OR56A3: variants seen among roughly 807,000 people sequenced by gnomAD.
OR56A3 encodes the protein olfactory receptor 56A3.
In OR56A3, 23 loss-of-function variants were observed where a neutral mutation model predicts 17.5. The observed-to-expected ratio is 1.32, with a 90% confidence interval of 0.95 to 1.87. The LOEUF is 1.87. Among genes scored for constraint, OR56A3 ranks in the 40% most tolerant of loss-of-function variants. The pLI, the probability that OR56A3 is intolerant of heterozygous loss-of-function variation, is 0.00. For missense variants in OR56A3, 366 were observed against 380.1 expected, an observed-to-expected ratio of 0.96 and a Z score of 0.31; for synonymous variants, 175 against 150.6, an observed-to-expected ratio of 1.16 and a Z score of -1.19.
chr11:5,965,013 G>A, the OR56A3 span, among the ~76,000 whole-genome samples: 5 of 152,056 alleles, frequency 3.3e-5, no homozygotes, highest in Non-Finnish European at 5.9e-5. Flanking sequence ...CTTAGCTCTT[G>A]TAAAGGTATT....
At chr11:5,961,553 A>G in the OR56A3 span, among the ~76,000 whole-genome samples, 7 of 152,032 alleles carry the variant, frequency 4.6e-5, no homozygotes, top group South Asian at 6.2e-4. Flanking sequence ...AAGGCAGCAT[A>G]CTCGTTAAGA....
At chr11:5,983,662 A>G in the OR56A3 span, among the ~76,000 whole-genome samples, 4 of 152,144 alleles carry the variant, frequency 2.6e-5, no homozygotes, top group Non-Finnish European at 2.9e-5. Flanking sequence ...CAAGGGGGAC[A>G]TATGGGAGTG....
the OR56A3 span, among the ~76,000 whole-genome samples, chr11:5,956,551 CT>C: frequency 6.6e-6 from 1 of 152,282 alleles, no homozygotes; most frequent in Admixed American, 6.5e-5. Context: ...TCTGCTAAGC[CT>C]TTAAATAGGT....
the OR56A3 span, among the ~76,000 whole-genome samples, chr11:5,965,146 C>T: frequency 6.6e-6 from 1 of 152,136 alleles, no homozygotes; most frequent in East Asian, 1.9e-4. Flanking sequence ...CTCCACTTTC[C>T]TCCCAAATAA....
intron 1 of OR56A3, 48 bp from the exon 2 acceptor site, chr11:5,944,758 T>C (rs1042083286): frequency 6.6e-6 from 1 of 152,216 alleles, no homozygotes; most frequent in Non-Finnish European, 1.5e-5. Context: ...TGTTTAAAAT[T>C]CATTTTGAAC....
At position 5,947,005 on chromosome 11, in the gene OR56A3, T is replaced by A. The variant is rs1186114068; in HGVS notation, c.-36-306T>A. Among the ~76,000 whole-genome samples, 3 of 152,134 alleles carry A rather than the reference T, an allele frequency of 2.0e-5. No individual in the cohort carries two copies. In the East Asian group the frequency reaches 5.8e-4, roughly 29 times the overall value. On this transcript the variant is annotated intron_variant, in intron 2 of 2. Transcript: ENST00000641160. Reference sequence around the variant, plus strand: ...GAAACCTATGGGTAGAAATTTAGAGTCTCACCTGTCACACTAAAGTTGTTT... The same window carrying A: ...GAAACCTATGGGTAGAAATTTAGAGACTCACCTGTCACACTAAAGTTGTTT...
At chr11:5,972,565 C>T in the OR56A3 span, among the ~76,000 whole-genome samples, 3,368 of 152,256 alleles carry the variant, frequency 0.022, 118 homozygotes, top group African/African-American at 0.073. Context: ...GTTTTATGAT[C>T]TACGGTCAGT....
chr11:5,986,829 C>A, the OR56A3 span: 3 of 1,613,940 alleles, frequency 1.9e-6, no homozygotes, highest in Non-Finnish European at 2.5e-6. Context: ...AACCTGGAAT[C>A]CCTACCAGGA....
chr11:5,973,568 C>T, the OR56A3 span, among the ~76,000 whole-genome samples: 1 of 152,096 alleles, frequency 6.6e-6, no homozygotes, highest in Admixed American at 6.5e-5. Flanking sequence ...TTGAATGTCT[C>T]TTGGGGGTTT....
the OR56A3 span, chr11:6,001,850 G>A: frequency 1.9e-6 from 1 of 520,678 alleles, no homozygotes; most frequent in Non-Finnish European, 3.2e-6. Context: ...ATCCAGAAAA[G>A]GGAGGTTTCC....
At chr11:6,009,246 C>T in the OR56A3 span, among the ~76,000 whole-genome samples, 1 of 152,134 alleles carries the variant, frequency 6.6e-6, no homozygotes, top group Non-Finnish European at 1.5e-5. Context: ...AGGAAATTGC[C>T]AAATTTTTGC....
At chr11:5,971,462 TC>T in the OR56A3 span, among the ~76,000 whole-genome samples, 1 of 152,164 alleles carries the variant, frequency 6.6e-6, no homozygotes, top group Non-Finnish European at 1.5e-5. Flanking sequence ...CTCTGATCCA[TC>T]CTCTTCAAGT....
the OR56A3 span, among the ~76,000 whole-genome samples, chr11:5,958,195 C>G: frequency 2.0e-5 from 3 of 151,966 alleles, no homozygotes; most frequent in African/African-American, 7.3e-5. Context: ...TACTTTTAGT[C>G]TGCATTGATT....
chr11:6,006,637 G>T, the OR56A3 span, among the ~76,000 whole-genome samples: 1 of 152,174 alleles, frequency 6.6e-6, no homozygotes, highest in Non-Finnish European at 1.5e-5. Context: ...TAGGCACAGA[G>T]CCTTGACCTC....
At chr11:5,986,414 G>A in the OR56A3 span, 3 of 1,613,712 alleles carry the variant, frequency 1.9e-6, no homozygotes, top group Admixed American at 3.3e-5. Flanking sequence ...GGGATAAGGA[G>A]TAGTAATCCC....
intron 2 of OR56A3, among the ~76,000 whole-genome samples, chr11:5,946,805 CA>C (rs1327368851): frequency 6.6e-6 from 1 of 152,098 alleles, no homozygotes; most frequent in Non-Finnish European, 1.5e-5. Context: ...AATCTCTAAG[CA>C]AAATAAGTGC....
the OR56A3 span, among the ~76,000 whole-genome samples, chr11:5,981,962 A>C: frequency 6.6e-6 from 1 of 152,162 alleles, no homozygotes; most frequent in Non-Finnish European, 1.5e-5. Flanking sequence ...TGTGTGCTCT[A>C]ACCCTGAGGA....
rs1847905471 is a variant in OR56A3, at chr11:5,951,151, C to T, written c.*2857C>T. On this transcript the variant is annotated 3_prime_UTR_variant, in exon 3 of 3. Transcript: ENST00000641160. Reference sequence around the variant, plus strand: ...TTACTGGGTTTTTAAGACATATGGTCCTGAAATCCCACAGTGACAGACTTG... The same window carrying T: ...TTACTGGGTTTTTAAGACATATGGTTCTGAAATCCCACAGTGACAGACTTG... The T allele has an allele frequency of 1.3e-5, 2 of 151,822 alleles. No individual in the cohort carries two copies. The highest frequency in any genetic ancestry group is 1.3e-4 in the Admixed American group (2 of 15,242). 9.4% of individuals were successfully genotyped at this position (151,822 alleles called of 1,614,324 possible).
At chr11:5,982,309 T>C in the OR56A3 span, among the ~76,000 whole-genome samples, 2 of 152,148 alleles carry the variant, frequency 1.3e-5, no homozygotes, top group African/African-American at 2.4e-5. Flanking sequence ...TGTATGTGCA[T>C]TGGCGATGGC....
Sources: allele counts gnomAD v4.1 joint callset (sites outside exome capture counted in the v4.1 genomes callset), GRCh38; gene constraint gnomAD v4.1.1; transcripts MANE v1.5; gene names NCBI Gene and HGNC (gene_info 2026-07-23, HGNC 2026-07-21).